ASCC3: variants seen among roughly 807,000 people sequenced by gnomAD.
ASCC3 encodes ASC-1 complex subunit P200.
Under a neutral mutation model 256.3 loss-of-function variants are expected in ASCC3, and 158 were observed. That is an observed-to-expected ratio of 0.62 (90% confidence interval 0.54 to 0.70). The LOEUF is 0.70. Among genes scored for constraint, ASCC3 ranks in the 30% least tolerant of loss-of-function variants. The pLI, the probability that ASCC3 is intolerant of heterozygous loss-of-function variation, is 0.00. For synonymous variants in ASCC3, 948 were observed against 883.4 expected (o/e 1.07, Z -1.30); for missense variants, 2,259 against 2,626.0 (o/e 0.86, Z 3.05).
intron 14 of ASCC3, among the ~76,000 whole-genome samples, chr6:100,669,802 T>C (rs977565117): frequency 1.3e-5 from 2 of 151,878 alleles, no homozygotes; most frequent in East Asian, 3.8e-4. Flanking sequence ...GTATATTAAA[T>C]TTTTTAATCA....
At chr6:100,601,362 T>G (rs1347694308) in intron 34 of ASCC3, among the ~76,000 whole-genome samples, 1 of 152,134 alleles carries the variant, frequency 6.6e-6, no homozygotes, top group Non-Finnish European at 1.5e-5. Context: ...TCTAACATAC[T>G]GTCTGGAGTG....
At chr6:100,621,552 C>T (rs1289040457) in intron 30 of ASCC3, among the ~76,000 whole-genome samples, 1 of 152,186 alleles carries the variant, frequency 6.6e-6, no homozygotes, top group African/African-American at 2.4e-5. Flanking sequence ...CATCTCACAT[C>T]AGTCAGAATG....
In ASCC3 at chr6:100,625,886, A is replaced by G. The variant is rs559309213; in HGVS notation, c.4643-552T>C. On this transcript the variant is annotated intron_variant, in intron 29 of 41. Transcript: ENST00000369162. ...TAAACAGGTTAAGAGATAAATCAGA[A>G]GAAAGTTTTCCCTCCATTTTTTTTT... Among the ~76,000 whole-genome samples the G allele has an allele frequency of 2.6e-5, 4 of 152,192 alleles. No individual in the cohort carries two copies. The East Asian group carries it at 5.8e-4, about 22-fold the overall frequency.
At chr6:100,827,811 T>C (rs560767996) in intron 4 of ASCC3, among the ~76,000 whole-genome samples, 5 of 152,060 alleles carry the variant, frequency 3.3e-5, no homozygotes, top group Non-Finnish European at 7.4e-5. Flanking sequence ...TTTCAAACAA[T>C]ACAAACCAGA....
intron 3 of ASCC3, among the ~76,000 whole-genome samples, chr6:100,849,786 A>G (rs1772568885): frequency 6.6e-6 from 1 of 152,096 alleles, no homozygotes; most frequent in Admixed American, 6.6e-5. Flanking sequence ...AAAGTTAATA[A>G]TGTAATGAAT....
intron 4 of ASCC3, among the ~76,000 whole-genome samples, chr6:100,835,118 T>A (rs1364447791): frequency 1.3e-5 from 2 of 151,886 alleles, no homozygotes; most frequent in African/African-American, 4.8e-5. Context: ...TTCTTACCAA[T>A]TGAAGAAAAC....
chr6:100,722,983 G>T (rs1319840643), intron 11 of ASCC3, among the ~76,000 whole-genome samples: 1 of 151,432 alleles, frequency 6.6e-6, no homozygotes, highest in Non-Finnish European at 1.5e-5. Flanking sequence ...ATGAATACTG[G>T]TATTACTAGA....
chr6:100,792,021 A>C (rs1264703861), intron 8 of ASCC3, among the ~76,000 whole-genome samples: 1 of 151,920 alleles, frequency 6.6e-6, no homozygotes, highest in African/African-American at 2.4e-5. Context: ...ACGAACCTGG[A>C]CTATTTGGCT....
chr6:100,825,967 G>A (rs939438887), intron 4 of ASCC3, among the ~76,000 whole-genome samples: 4 of 151,818 alleles, frequency 2.6e-5, no homozygotes, highest in Admixed American at 2.0e-4. Context: ...AGATCACAAA[G>A]ATTATTACCA....
At chr6:100,752,978 C>A (rs1271260546) in intron 10 of ASCC3, among the ~76,000 whole-genome samples, 3 of 151,936 alleles carry the variant, frequency 2.0e-5, no homozygotes, top group Non-Finnish European at 4.4e-5. Flanking sequence ...TAATTCTGTG[C>A]AGAGATAATT....
intron 4 of ASCC3, among the ~76,000 whole-genome samples, chr6:100,811,111 G>C (rs1016189156): frequency 1.1e-4 from 17 of 152,042 alleles, no homozygotes; most frequent in African/African-American, 4.1e-4. Context: ...TTCTGGAGTT[G>C]AATCAAAAAA....
chr6:100,605,770 GCA>G, intron 32 of ASCC3, 70 bp from the exon 33 acceptor site: 1 of 1,516,724 alleles, frequency 6.6e-7, no homozygotes, highest in Non-Finnish European at 9.1e-7. Context: ...ACTGATTATG[GCA>G]TGCTTCTATA....
intron 34 of ASCC3, among the ~76,000 whole-genome samples, chr6:100,596,838 G>A (rs1772327970): frequency 6.6e-6 from 1 of 152,048 alleles, no homozygotes; most frequent in Non-Finnish European, 1.5e-5. Context: ...GTTTCATCCA[G>A]AACGAAAGTC....
At chr6:100,553,488 A>G (rs1769408320) in intron 36 of ASCC3, among the ~76,000 whole-genome samples, 1 of 152,046 alleles carries the variant, frequency 6.6e-6, no homozygotes, top group African/African-American at 2.4e-5. Flanking sequence ...AGTGGAGTCC[A>G]TTATATTTTT....
chr6:100,718,306 A>G, intron 11 of ASCC3, 55 bp from the exon 12 acceptor site: 1 of 1,443,742 alleles, frequency 6.9e-7, no homozygotes, highest in Admixed American at 2.0e-5. Flanking sequence ...TAACCAAAAA[A>G]CATTATAATT....
At chr6:100,545,677 A>G (rs1040233330) in intron 36 of ASCC3, among the ~76,000 whole-genome samples, 5 of 152,162 alleles carry the variant, frequency 3.3e-5, no homozygotes, top group African/African-American at 1.2e-4. Context: ...CTGCAGCCTC[A>G]AACTCCTGGG....
chr6:100,646,759 T>C lies in ASCC3; in HGVS notation c.3489A>G (p.Leu1163=). The change falls in exon 22 of 42, where the codon TTA becomes TTG. Residue 1163 remains leucine, a synonymous_variant. Transcript: ENST00000369162. Reference sequence around the variant, plus strand: ...CCTTCAGTCCAATATTCACATGATGTAAAATGTGACCTGCAAGAAAAATAT... The same window carrying C: ...CCTTCAGTCCAATATTCACATGATGCAAAATGTGACCTGCAAGAAAAATAT... ...DMRKDEIGHI[L]HHVNIGLKVK... 1.2e-6 allele frequency: 2 copies of C among 1,613,838 alleles called. No individual in the cohort carries two copies. The highest frequency in any genetic ancestry group is 1.7e-6 in the Non-Finnish European group (2 of 1,179,810).
At position 100,867,349 on chromosome 6, in the gene ASCC3, T is replaced by G. The variant is rs1470476184; in HGVS notation, c.90+559A>C. Among the ~76,000 whole-genome samples, 8 of 152,222 alleles carry G rather than the reference T, an allele frequency of 5.3e-5. No homozygotes were observed. In the East Asian group the frequency reaches 1.3e-3, roughly 26 times the overall value. ...AGTCCATGTACATTTAATTTTTGTT[T>G]CTTACTAAAATGTATTTCTGAAGTT... On this transcript the variant is annotated intron_variant, in intron 2 of 41. Coordinates refer to ENST00000369162, the MANE Select transcript of ASCC3 (RefSeq NM_006828.4).
chr6:100,828,810 G>T (rs9498401), intron 4 of ASCC3, among the ~76,000 whole-genome samples: 2 of 151,998 alleles, frequency 1.3e-5, no homozygotes, highest in Non-Finnish European at 2.9e-5. Context: ...TGCAAAGAGC[G>T]AAAGAACAAA....
Sources: gnomAD v4.1 joint callset for allele counts (sites outside exome capture counted in the v4.1 genomes callset) on GRCh38, gnomAD v4.1.1 for gene constraint, MANE v1.5 for transcripts, NCBI Gene and HGNC (gene_info 2026-07-23, HGNC 2026-07-21) for gene names.